The following USP42 variants were observed in gnomAD, a reference collection of about 807,000 sequenced individuals.
The protein encoded by USP42 is ubiquitin specific peptidase 42, also known as ubiquitin carboxyl-terminal hydrolase 42.
USP42 carries 23 observed loss-of-function variants against 113.0 expected under a neutral mutation model. That is an observed-to-expected ratio of 0.20 (90% CI 0.15 to 0.29). USP42 has a LOEUF of 0.29. Ranked by LOEUF, USP42 falls within the 10% of genes least tolerant of loss-of-function variation. USP42 has a pLI of 1.00. For missense variants in USP42, 2,174 were observed against 1,779.8 expected, an observed-to-expected ratio of 1.22 and a Z score of -3.99; for synonymous variants, 933 against 699.0, an observed-to-expected ratio of 1.33 and a Z score of -5.28.
chr7:6,128,167 G>C (rs1407866200), intron 3 of USP42: 1 of 151,706 alleles, frequency 6.6e-6, no homozygotes, highest in Non-Finnish European at 1.5e-5. Flanking sequence ...TACCCAGGCT[G>C]GTCTCGAACT....
chr7:6,083,904 C>A, the USP42 span, among the ~76,000 whole-genome samples: 1 of 151,096 alleles, frequency 6.6e-6, no homozygotes, highest in African/African-American at 2.5e-5. Context: ...TTGTACTGAT[C>A]CCTAACCTAG....
intron 3 of USP42, among the ~76,000 whole-genome samples, chr7:6,133,344 T>G (rs990852268): frequency 3.6e-4 from 55 of 152,204 alleles, no homozygotes; most frequent in African/African-American, 1.3e-3. Flanking sequence ...AACTTAAAAT[T>G]GTCCCATAGC....
intron 1 of USP42, among the ~76,000 whole-genome samples, chr7:6,109,815 C>G (rs1779498129): frequency 6.6e-6 from 1 of 151,142 alleles, no homozygotes; most frequent in Non-Finnish European, 1.5e-5. Flanking sequence ...ATTTTCCTGA[C>G]TCAGCCTCCC....
intron 4 of USP42, 150 bp from the exon 5 acceptor site, chr7:6,138,942 T>C: frequency 1.8e-6 from 1 of 558,790 alleles, no homozygotes; most frequent in Non-Finnish European, 3.1e-6. Context: ...TTATAGCTTA[T>C]ATTAGTGGCT....
intron 8 of USP42, among the ~76,000 whole-genome samples, 157 bp downstream of exon 8, chr7:6,143,171 A>G (rs541517932): frequency 2.7e-4 from 41 of 152,112 alleles, no homozygotes; most frequent in Admixed American, 4.6e-4. Flanking sequence ...GAGAGCCCGG[A>G]GTGTCTTGAT....
At position 6,160,653 on chromosome 7, in the gene USP42, C is replaced by G. The variant is rs1049109323; in HGVS notation, c.*135C>G. 6.5e-6 allele frequency: 1 copy of G among 152,770 alleles called. No homozygotes were observed. The highest frequency in any genetic ancestry group is 2.1e-4 in the South Asian group (1 of 4,832). The allele number at this position is 152,770 out of a possible 1,614,324, so 9.5% of individuals were successfully genotyped here. A position where few individuals can be genotyped will look rare whatever the true frequency, so the allele number is the denominator to read the frequency against. On this transcript the variant is annotated 3_prime_UTR_variant, in exon 18 of 18. Coordinates refer to ENST00000306177, the MANE Select transcript of USP42 (RefSeq NM_032172.3). ...CTGCGTGGTGCTTCTTTAGTAAATA[C>G]TGTACAGATTTTACCATGGAGAACT...
At chr7:6,112,991 C>T (rs1366256245) in intron 2 of USP42, among the ~76,000 whole-genome samples, 1 of 148,998 alleles carries the variant, frequency 6.7e-6, no homozygotes, top group Non-Finnish European at 1.5e-5. Context: ...GCAATCTCTG[C>T]CTGCTGGGTT....
intron 1 of USP42, among the ~76,000 whole-genome samples, chr7:6,105,273 G>C (rs1779201997): frequency 6.8e-6 from 1 of 146,526 alleles, no homozygotes; most frequent in African/African-American, 2.4e-5. Flanking sequence ...GGCGGCCGCG[G>C]CGGGCGGGCA....
rs748026598 is a variant in USP42, at chr7:6,154,799, AGCACGAGCGGGCCGGGCT to A, written c.3256_3273del (p.Ala1086_Arg1091del). On this transcript the variant is annotated inframe_deletion, in exon 15 of 18. Coordinates refer to ENST00000306177, the MANE Select transcript of USP42 (RefSeq NM_032172.3). ...TGGAAGCCCTTCCACGGCGGCCGCGAGCACGAGCGGGCCGGGCTGCACGAGCGGCCGCACAAGGACCAC... is the reference window on the plus strand; with the variant it reads ...TGGAAGCCCTTCCACGGCGGCCGCGAGCACGAGCGGCCGCACAAGGACCAC... 9.0e-5 allele frequency: 139 copies of A among 1,546,792 alleles called. No individual in the cohort carries two copies. Among genetic ancestry groups the A allele is most frequent in the Non-Finnish European group, 1.1e-4 (126 of 1,145,308 alleles).
At chr7:6,113,242 CT>C in intron 2 of USP42, among the ~76,000 whole-genome samples, 1 of 152,020 alleles carries the variant, frequency 6.6e-6, no homozygotes, top group Non-Finnish European at 1.5e-5. Flanking sequence ...TGCAGTTTGG[CT>C]TGCTGAAGGT....
chr7:6,086,668 C>A, the USP42 span, among the ~76,000 whole-genome samples: 2 of 147,152 alleles, frequency 1.4e-5, no homozygotes, highest in Non-Finnish European at 3.0e-5. Flanking sequence ...CCTTCCCTTC[C>A]CCCTTCCCTT....
chr7:6,161,537 T>C lies in USP42; in HGVS notation c.*1019T>C, dbSNP rs1782794442. The C allele has an allele frequency of 6.5e-6, 1 of 152,788 alleles. No homozygotes were observed. Among genetic ancestry groups the C allele is most frequent in the African/African-American group, 2.4e-5 (1 of 41,576 alleles). The allele number at this position is 152,788 out of a possible 1,614,324, so 9.5% of individuals were successfully genotyped here. A position where few individuals can be genotyped will look rare whatever the true frequency, so the allele number is the denominator to read the frequency against. ...GTAAATATACAGCATGTAAAATTTC[T>C]ATAGTATATAAATGGCAGCAAATCA... is the stretch of plus-strand genomic sequence containing the variant. On this transcript the variant is annotated 3_prime_UTR_variant, in exon 18 of 18. Coordinates refer to ENST00000306177, the MANE Select transcript of USP42 (RefSeq NM_032172.3).
At chr7:6,101,711 G>A (rs1470970106), upstream of USP42, among the ~76,000 whole-genome samples, 2 of 151,062 alleles carry the variant, frequency 1.3e-5, no homozygotes, top group East Asian at 1.9e-4. Flanking sequence ...GGTAGAGGGG[G>A]AGGTGTAACC....
At position 6,158,850 on chromosome 7, in the gene USP42, G is replaced by A. The variant is rs1782610639; in HGVS notation, c.3944-600G>A. The stretch of plus-strand genomic sequence containing the variant: ...GGGCTTCCAGCTGGGGCTACTGGGA[G>A]ACAGTGATGGCCCCCGAGGCAGCTG... On this transcript the variant is annotated intron_variant, in intron 16 of 17. Transcript: ENST00000306177. This position sits in a 1 kb window ranked among gnomAD's most constrained non-coding sequence, Gnocchi z 4.2. Among the ~76,000 whole-genome samples the A allele has an allele frequency of 6.6e-6, 1 of 152,144 alleles. No individual in the cohort carries two copies. The highest frequency in any genetic ancestry group is 2.4e-5 in the African/African-American group (1 of 41,438).
At chr7:6,095,599 G>A in the USP42 span, among the ~76,000 whole-genome samples, 42 of 151,028 alleles carry the variant, frequency 2.8e-4, 2 homozygotes, top group African/African-American at 9.7e-4. Context: ...AACCTGGGAG[G>A]CGGAGGTTGC....
chr7:6,145,801 G>A (rs537447326), intron 10 of USP42, 145 bp downstream of exon 10: 44 of 985,822 alleles, frequency 4.5e-5, no homozygotes, highest in Non-Finnish European at 5.9e-5. Context: ...CGGGCGCAGT[G>A]GCTTACTCCT....
Position 6,159,488 on chromosome 7 carries a change from GT to G in USP42, c.*33del, listed in dbSNP as rs1458244037. ...CAGCCTCAAAACAAAAAATTCACTAGTTATGGTAAGCTGTTTTCCTGTCTGT... is the reference window on the plus strand; with the variant it reads ...CAGCCTCAAAACAAAAAATTCACTAGTATGGTAAGCTGTTTTCCTGTCTGT... On this transcript the variant is annotated 3_prime_UTR_variant, in exon 17 of 18. Transcript: ENST00000306177. The surrounding 1 kb of genome is among the most constrained non-coding windows in gnomAD (Gnocchi z 4.1). 1.2e-6 allele frequency: 2 copies of G among 1,613,728 alleles called. No homozygotes were observed. Among genetic ancestry groups the G allele is most frequent in the African/African-American group, 2.7e-5 (2 of 75,042 alleles).
upstream of USP42, among the ~76,000 whole-genome samples, chr7:6,104,674 G>A (rs1472344005): frequency 5.9e-5 from 9 of 152,140 alleles, no homozygotes; most frequent in East Asian, 7.7e-4. Context: ...GCGCGCAGAC[G>A]CGCGACCAGC....
chr7:6,106,647 C>G (rs975810324), intron 1 of USP42, among the ~76,000 whole-genome samples: 5 of 152,162 alleles, frequency 3.3e-5, no homozygotes, highest in Non-Finnish European at 7.3e-5. Flanking sequence ...TCACTGTAGC[C>G]TCAATCTCCT....
Sources: allele counts gnomAD v4.1 joint callset (sites outside exome capture counted in the v4.1 genomes callset), GRCh38; gene constraint gnomAD v4.1.1; non-coding constraint Gnocchi (gnomAD v3.1); transcripts MANE v1.5; gene names NCBI Gene and HGNC (gene_info 2026-07-23, HGNC 2026-07-21).